Variants in UBR3 observed in about 807,000 individuals in gnomAD.
The protein encoded by UBR3 is ubiquitin protein ligase E3 component n-recognin 3.
A neutral mutation model predicts 243.2 loss-of-function variants in UBR3; 85 were observed. The ratio of observed to expected loss-of-function variants is 0.35; its 90% CI spans 0.29 to 0.42. The LOEUF (loss-of-function observed/expected upper bound fraction) is 0.42. Ranked by LOEUF, UBR3 falls within the 10% of genes least tolerant of loss-of-function variation. The pLI is 1.00. For synonymous variants in UBR3, 748 were observed against 799.8 expected (o/e 0.94, Z 1.09); for missense variants, 1,686 against 2,300.8 (o/e 0.73, Z 5.47).
At chr2:170,077,529 A>G in intron 36 of UBR3, 1 of 839,168 alleles carries the variant, frequency 1.2e-6, no homozygotes, top group Non-Finnish European at 1.9e-6. Flanking sequence ...TTGTAAAGCC[A>G]TCTCCAACAA....
intron 8 of UBR3, among the ~76,000 whole-genome samples, chr2:169,897,613 G>A (rs1241607852): frequency 1.3e-5 from 2 of 152,004 alleles, no homozygotes; most frequent in African/African-American, 2.4e-5. Context: ...AAGCAGTTCT[G>A]CCTCAGCCTC....
chr2:170,050,302 G>A (rs994536555), intron 32 of UBR3, among the ~76,000 whole-genome samples: 2 of 152,140 alleles, frequency 1.3e-5, no homozygotes, highest in Non-Finnish European at 2.9e-5. Context: ...ATCATAAAAG[G>A]TAAGACTGAG....
chr2:169,881,982 T>C (rs1338379556), intron 5 of UBR3, among the ~76,000 whole-genome samples: 1 of 114,258 alleles, frequency 8.8e-6, no homozygotes, highest in Non-Finnish European at 1.8e-5. Flanking sequence ...TTATATTATA[T>C]ATGTATATGT....
intron 8 of UBR3, among the ~76,000 whole-genome samples, chr2:169,901,502 T>C (rs2084821351): frequency 6.6e-6 from 1 of 152,186 alleles, no homozygotes; most frequent in Admixed American, 6.5e-5. Context: ...GAATAAACCT[T>C]AGCTGTACTG....
chr2:170,049,884 G>T (rs2091177499), intron 32 of UBR3, among the ~76,000 whole-genome samples: 1 of 152,166 alleles, frequency 6.6e-6, no homozygotes, highest in African/African-American at 2.4e-5. Flanking sequence ...TACAGTGGAT[G>T]TGTTAAAAAC....
intron 30 of UBR3, among the ~76,000 whole-genome samples, chr2:170,026,972 A>G (rs1268068510): frequency 6.6e-6 from 1 of 151,992 alleles, no homozygotes; most frequent in Non-Finnish European, 1.5e-5. Context: ...AATAAATAAC[A>G]ATAAATAATG....
intron 7 of UBR3, among the ~76,000 whole-genome samples, 188 bp downstream of exon 7, chr2:169,895,499 A>G (rs1455946199): frequency 6.6e-6 from 1 of 152,236 alleles, no homozygotes; most frequent in Non-Finnish European, 1.5e-5. Context: ...GCAAAGCAGC[A>G]TTACTCAGCA....
chr2:169,905,249 A>G lies in UBR3; in HGVS notation c.1601A>G (p.His534Arg). 1.3e-6 allele frequency: 2 copies of G among 1,543,666 alleles called. No homozygotes were observed. The highest frequency in any genetic ancestry group is 1.7e-6 in the Non-Finnish European group (2 of 1,143,794). The change falls in exon 9 of 39, where the codon CAC becomes CGC. Residue 534 changes from histidine to arginine, a missense_variant. Physicochemically the swap from His to Arg is conservative, Grantham distance 29 (BLOSUM62 0). Transcript: ENST00000272793. ...QSVAKRFLED[H>R]GLLVTWMNFV... Reference sequence around the variant, plus strand: ...GTGGCCAAGAGATTTTTGGAGGATCACGGTTTGTTAGTTACATGGATGAAC... The same window carrying G: ...GTGGCCAAGAGATTTTTGGAGGATCGCGGTTTGTTAGTTACATGGATGAAC...
intron 30 of UBR3, among the ~76,000 whole-genome samples, chr2:170,022,154 C>T (rs2090408362): frequency 1.3e-5 from 2 of 152,178 alleles, no homozygotes; most frequent in Non-Finnish European, 2.9e-5. Context: ...CTCTTATCAT[C>T]CCAAGCTCTG....
chr2:169,894,903 A>G (rs2084523616), intron 6 of UBR3, among the ~76,000 whole-genome samples: 1 of 152,164 alleles, frequency 6.6e-6, no homozygotes, highest in African/African-American at 2.4e-5. Context: ...TTTGTGGATA[A>G]TGCTTTCTTC....
chr2:170,056,448 T>C (rs879524816), intron 33 of UBR3, among the ~76,000 whole-genome samples: 27 of 152,226 alleles, frequency 1.8e-4, no homozygotes, highest in Non-Finnish European at 3.1e-4. Context: ...TAAATGTAAA[T>C]ACTTTCAGTA....
At chr2:169,898,703 CTTTT>C (rs1166917127) in intron 8 of UBR3, among the ~76,000 whole-genome samples, 2 of 116,256 alleles carry the variant, frequency 1.7e-5, no homozygotes. Context: ...GAGTTTCACT[CTTTT>C]TTTTTTTTTT....
chr2:169,926,699 C>T lies in UBR3; in HGVS notation c.2159C>T (p.Ala720Val), dbSNP rs1559101203. ...DPDIYLLQVC[A>V]SRLDPDYFIS... ...TTTTGTTTTCTTTTAAAGGTTTGTGCTTCTAGACTTGACCCAGATTATTTT... is the reference window on the plus strand; with the variant it reads ...TTTTGTTTTCTTTTAAAGGTTTGTGTTTCTAGACTTGACCCAGATTATTTT... Residue 720 changes from alanine (A) to valine (V), a missense_variant, in exon 15 of 39, where the codon GCT (alanine) becomes GTT (valine). By Grantham distance (64) the Ala-to-Val change is moderately conservative. Transcript: ENST00000272793. The T allele has an allele frequency of 6.5e-7, 1 of 1,548,434 alleles. No individual in the cohort carries two copies. Among genetic ancestry groups the T allele is most frequent in the Non-Finnish European group, 8.7e-7 (1 of 1,145,884 alleles).
At chr2:169,868,187 A>T (rs191612878) in intron 1 of UBR3, among the ~76,000 whole-genome samples, 79 of 152,316 alleles carry the variant, frequency 5.2e-4, no homozygotes, top group African/African-American at 1.7e-3. Flanking sequence ...TGTATCTCTC[A>T]GTTTCAACAA....
chr2:169,985,015 T>C (rs1234414744), intron 24 of UBR3, among the ~76,000 whole-genome samples: 3 of 118,590 alleles, frequency 2.5e-5, no homozygotes, highest in Non-Finnish European at 6.3e-5. Flanking sequence ...CCAAGACTTA[T>C]TAAAAAAAAA....
intron 26 of UBR3, among the ~76,000 whole-genome samples, chr2:169,994,992 T>G (rs1323839740): frequency 1.3e-5 from 2 of 152,188 alleles, no homozygotes; most frequent in African/African-American, 4.8e-5. Context: ...GATCCCTACC[T>G]TGTGCTCTGA....
intron 10 of UBR3, among the ~76,000 whole-genome samples, chr2:169,906,711 C>T (rs2085024427): frequency 6.6e-6 from 1 of 152,128 alleles, no homozygotes; most frequent in Admixed American, 6.5e-5. Context: ...TACCAGTAAT[C>T]ATGCTGGACA....
chr2:169,966,704 G>C (rs1242653546), intron 24 of UBR3, among the ~76,000 whole-genome samples: 2 of 152,090 alleles, frequency 1.3e-5, no homozygotes, highest in Non-Finnish European at 2.9e-5. Flanking sequence ...TTTTCACATT[G>C]TTACAAAGGA....
At chr2:170,033,595 C>A (rs2090742916) in intron 31 of UBR3, among the ~76,000 whole-genome samples, 3 of 98,550 alleles carry the variant, frequency 3.0e-5, no homozygotes, top group Admixed American at 1.4e-4. Flanking sequence ...CCCCCCCCCC[C>A]AATATTTGCT....
Sources: gnomAD v4.1 joint callset for allele counts (sites outside exome capture counted in the v4.1 genomes callset) on GRCh38, gnomAD v4.1.1 for gene constraint, MANE v1.5 for transcripts, NCBI Gene and HGNC (gene_info 2026-07-23, HGNC 2026-07-21) for gene names.